The following SSH2 variants were observed in gnomAD, a reference collection of about 807,000 sequenced individuals.
SSH2 encodes protein phosphatase Slingshot homolog 2.
A neutral mutation model predicts 135.2 loss-of-function variants in SSH2; 37 were observed. That is an observed-to-expected ratio of 0.27 (90% CI 0.21 to 0.36). The LOEUF (loss-of-function observed/expected upper bound fraction) is 0.36, where lower values mean the gene tolerates loss of function less well. Ranked by LOEUF, SSH2 falls within the 10% of genes least tolerant of loss-of-function variation. The probability of loss-of-function intolerance (pLI) is 1.00; values close to 1 mark genes in which losing one functional copy is unlikely to be tolerated. For synonymous variants in SSH2, 628 were observed against 646.2 expected, an observed-to-expected ratio of 0.97 and a Z score of 0.43; for missense variants, 1,408 against 1,765.3, an observed-to-expected ratio of 0.80 and a Z score of 3.63.
chr17:29,681,889 G>T (rs2151071626), intron 6 of SSH2, among the ~76,000 whole-genome samples: 1 of 152,312 alleles, frequency 6.6e-6, no homozygotes, highest in South Asian at 2.1e-4. Context: ...GAGCATCTGA[G>T]ACTTCTTACT....
chr17:29,896,627 A>C (rs1303576948), intron 1 of SSH2, among the ~76,000 whole-genome samples: 2 of 151,356 alleles, frequency 1.3e-5, no homozygotes. Flanking sequence ...ATTCAATCCC[A>C]TTCCCACTTT....
chr17:29,716,720 T>G, intron 3 of SSH2: 1 of 569,196 alleles, frequency 1.8e-6, no homozygotes, highest in Non-Finnish European at 3.3e-6. Flanking sequence ...CAGTTCCGGC[T>G]GAAAGTCTAA....
At position 29,636,086 on chromosome 17, in the gene SSH2, C is replaced by T. The variant is rs140734654; in HGVS notation, c.2144G>A (p.Arg715Gln). 90 of 1,614,080 alleles carry T rather than the reference C, an allele frequency of 5.6e-5. No individual in the cohort carries two copies. The Middle Eastern group carries it at 8.2e-4, about 15-fold the overall frequency. The change falls in exon 15 of 16, where the codon CGA becomes CAA. Residue 715 changes from arginine (R) to glutamine (Q), a missense_variant. Transcript: ENST00000540801. Reference sequence around the variant, plus strand: ...AGGGGCTACTTCTACCACTGACAGTCGACAGCTCTCATTCCTTCCTCCACC... The same window carrying T: ...AGGGGCTACTTCTACCACTGACAGTTGACAGCTCTCATTCCTTCCTCCACC... ...ELGGGRNESCRLSVVEVAPSK... is the reference protein window; with the variant it reads ...ELGGGRNESCQLSVVEVAPSK...
intron 2 of SSH2, among the ~76,000 whole-genome samples, chr17:29,837,919 T>G (rs560912721): frequency 6.6e-6 from 1 of 152,324 alleles, no homozygotes; most frequent in South Asian, 2.1e-4. Flanking sequence ...CAGGCACAAC[T>G]GCAGCTGCAC....
chr17:29,913,343 A>ATTATATATAT (rs2066804382), intron 1 of SSH2, among the ~76,000 whole-genome samples: 6 of 43,442 alleles, frequency 1.4e-4, no homozygotes, highest in African/African-American at 3.3e-4. Context: ...AAAAAAAAAA[A>ATTATATATAT]AAAAATATAT....
chr17:29,922,986 C>G (rs2067001947), intron 1 of SSH2, among the ~76,000 whole-genome samples: 1 of 152,234 alleles, frequency 6.6e-6, no homozygotes, highest in African/African-American at 2.4e-5. Context: ...TCTTGGCTCA[C>G]TGCAACCTCT....
rs2035560745 is a variant in SSH2 at position 29,628,425 on chromosome 17, C to T, written c.*2416G>A. On this transcript the variant is annotated 3_prime_UTR_variant, in exon 16 of 16. Coordinates refer to ENST00000540801, the MANE Select transcript of SSH2 (RefSeq NM_001282129.2). Reference sequence around the variant, plus strand: ...GTGGAGGGGAGAAGAGGGAACAGTCCAAAACTTTGGTCCTGCTTGTACCTC... The same window carrying T: ...GTGGAGGGGAGAAGAGGGAACAGTCTAAAACTTTGGTCCTGCTTGTACCTC... 1 of 152,012 alleles carries T rather than the reference C, an allele frequency of 6.6e-6. No homozygotes were observed. The highest frequency in any genetic ancestry group is 1.5e-5 in the Non-Finnish European group (1 of 68,012). The allele number at this position is 152,012 out of a possible 1,614,324, so 9.4% of individuals were successfully genotyped here. A position where few individuals can be genotyped will look rare whatever the true frequency, so the allele number is the denominator to read the frequency against.
chr17:29,721,165 TAAC>T (rs995983988), intron 3 of SSH2, among the ~76,000 whole-genome samples: 57 of 152,244 alleles, frequency 3.7e-4, no homozygotes, highest in African/African-American at 1.3e-3. Context: ...GGATGTGAAA[TAAC>T]AATAATTCCA....
chr17:29,862,767 G>A (rs1402545522), intron 1 of SSH2, among the ~76,000 whole-genome samples: 5 of 152,168 alleles, frequency 3.3e-5, no homozygotes, highest in South Asian at 2.1e-4. Context: ...CTCATTGCAC[G>A]TAACACACAA....
At chr17:29,667,344 G>A (rs145265221) in intron 9 of SSH2, 121 bp from the exon 10 acceptor site, 15 of 769,428 alleles carry the variant, frequency 1.9e-5, no homozygotes, top group East Asian at 1.9e-4. Context: ...TTCCAAAATC[G>A]GTTCTAGAGA....
At chr17:29,810,934 A>AT (rs1048222113) in intron 2 of SSH2, among the ~76,000 whole-genome samples, 6 of 151,710 alleles carry the variant, frequency 4.0e-5, no homozygotes, top group African/African-American at 7.3e-5. Flanking sequence ...TTTTTTTGTA[A>AT]TTTTTTTTCT....
Position 29,732,851 on chromosome 17 carries a change from C to T in SSH2, c.189-29789G>A, listed in dbSNP as rs149255088. Among the ~76,000 whole-genome samples, 14 of 152,258 alleles carry T rather than the reference C, an allele frequency of 9.2e-5. No individual in the cohort carries two copies. The East Asian group carries it at 2.1e-3, about 23-fold the overall frequency. ...ATAGATAAATGTATAATCTCGAATACGCACTGAGCAATCTCTACCACACAT... is the reference window on the plus strand; with the variant it reads ...ATAGATAAATGTATAATCTCGAATATGCACTGAGCAATCTCTACCACACAT... On this transcript the variant is annotated intron_variant, in intron 3 of 15. Coordinates refer to ENST00000540801, the MANE Select transcript of SSH2 (RefSeq NM_001282129.2).
intron 8 of SSH2, chr17:29,673,801 T>C (rs1021874215): frequency 1.3e-5 from 4 of 300,248 alleles, no homozygotes; most frequent in Non-Finnish European, 2.6e-5. Context: ...CTTGCTCTTT[T>C]GCTTTACAGC....
rs1429739888 is a variant in SSH2, at chr17:29,913,347, A to ATTATAT, written c.63+16590_63+16591insATATAA. ...AAAAAAAAAAAAAAAAAAAAAAAAA[A>ATTATAT]ATATATATATATATATATATATATA... On this transcript the variant is annotated intron_variant, in intron 1 of 15. Coordinates refer to ENST00000540801, the MANE Select transcript of SSH2 (RefSeq NM_001282129.2). Among the ~76,000 whole-genome samples the ATTATAT allele has an allele frequency of 1.7e-4, 5 of 28,784 alleles. No individual in the cohort carries two copies. In the Admixed American group the frequency reaches 3.7e-3, roughly 21 times the overall value. The allele number at this position is 28,784 out of a possible 152,430, so 18.9% of individuals were successfully genotyped here. A position where few individuals can be genotyped will look rare whatever the true frequency, so the allele number is the denominator to read the frequency against.
chr17:29,683,602 C>G (rs1165019123), intron 6 of SSH2, among the ~76,000 whole-genome samples: 5 of 152,006 alleles, frequency 3.3e-5, no homozygotes, highest in Non-Finnish European at 5.9e-5. Context: ...AGGGTAGGTG[C>G]CCTAGAATCA....
At chr17:29,851,810 G>A (rs2065567168) in intron 1 of SSH2, among the ~76,000 whole-genome samples, 1 of 151,630 alleles carries the variant, frequency 6.6e-6, no homozygotes, top group Admixed American at 6.6e-5. Context: ...GAGGCTTCAA[G>A]TGAGCCATAA....
chr17:29,923,759 A>T (rs2067017403), intron 1 of SSH2, among the ~76,000 whole-genome samples: 1 of 152,090 alleles, frequency 6.6e-6, no homozygotes, highest in Non-Finnish European at 1.5e-5. Flanking sequence ...CTGTAACTTC[A>T]GCCAGGCGTG....
rs1165451075 is a variant in SSH2 at position 29,636,284 on chromosome 17, T to C, written c.1946A>G (p.Asp649Gly). 2 of 1,613,144 alleles carry C rather than the reference T, an allele frequency of 1.2e-6. No homozygotes were observed. Among genetic ancestry groups the C allele is most frequent in the Non-Finnish European group, 1.7e-6 (2 of 1,179,802 alleles). ...PMEELTSPLK[D>G]PPMSPDPESP... ...CTCAGGATCAGGGGACATGGGGGGG[T>C]CTTTCAGTGGAGATGTCAATTCTTC... The change falls in exon 15 of 16, where the codon GAC becomes GGC. Residue 649 changes from aspartate to glycine, a missense_variant. By Grantham distance (94) the Asp-to-Gly change is moderately conservative. Around this residue, in one of 3 missense-constraint regions of SSH2, gnomAD observed 1,080 missense variants for 1,144.5 expected, o/e 0.94. Transcript: ENST00000540801.
chr17:29,702,657 A>AAAAAC (rs753935006), intron 4 of SSH2, among the ~76,000 whole-genome samples: 51 of 152,340 alleles, frequency 3.3e-4, no homozygotes, highest in Non-Finnish European at 2.8e-4. Flanking sequence ...TCCATCTCAA[A>AAAAAC]AAAACAAAAC....
Sources: allele counts gnomAD v4.1 joint callset (sites outside exome capture counted in the v4.1 genomes callset), GRCh38; gene constraint gnomAD v4.1.1; regional missense constraint gnomAD v4.1.1; transcripts MANE v1.5; gene names NCBI Gene and HGNC (gene_info 2026-07-23, HGNC 2026-07-21).